The following UGCG variants were observed in gnomAD, a reference collection of about 807,000 sequenced individuals.
The protein encoded by UGCG is UDP-glucose ceramide glucosyltransferase.
Under a neutral mutation model 49.5 loss-of-function variants are expected in UGCG, and 10 were observed. The ratio of observed to expected loss-of-function variants is 0.20; its 90% CI spans 0.12 to 0.34. The LOEUF (loss-of-function observed/expected upper bound fraction) is 0.34, where lower values mean the gene tolerates loss of function less well. Among genes scored for constraint, UGCG ranks in the 10% least tolerant of loss-of-function variants. The pLI, the probability that UGCG is intolerant of heterozygous loss-of-function variation, is 1.00. For synonymous variants in UGCG, 182 were observed against 158.2 expected, an observed-to-expected ratio of 1.15 and a Z score of -1.13; for missense variants, 312 against 483.7, an observed-to-expected ratio of 0.65 and a Z score of 3.33.
rs987354884 is a variant in UGCG at position 111,920,655 on chromosome 9, C to T, written c.241-2194C>T. On this transcript the variant is annotated intron_variant, in intron 2 of 8. Coordinates refer to ENST00000374279, the MANE Select transcript of UGCG (RefSeq NM_003358.3). ...CTGGGATTACAGGCTTGAGCCACCA[C>T]GCCTGGCCCACAAATTTTTTTATTG... 5.3e-5 allele frequency among the ~76,000 whole-genome samples: 8 copies of T among 152,108 alleles called. No individual in the cohort carries two copies. In the South Asian group the frequency reaches 8.3e-4, roughly 16 times the overall value.
intron 7 of UGCG, among the ~76,000 whole-genome samples, chr9:111,931,647 T>C (rs1044735234): frequency 1.3e-5 from 2 of 152,206 alleles, no homozygotes; most frequent in African/African-American, 4.8e-5. Flanking sequence ...TTATTATCTG[T>C]ATTCATCAGA....
At chr9:111,906,611 G>C (rs1303037762) in intron 1 of UGCG, among the ~76,000 whole-genome samples, 2 of 151,866 alleles carry the variant, frequency 1.3e-5, no homozygotes, top group Non-Finnish European at 2.9e-5. Context: ...TGTATTTTTA[G>C]TAGAGACGGG....
rs1838473523 is a variant in UGCG, at chr9:111,934,134, T to TG, written c.*1137_*1138insG. ...AACTAAGTCTACTGTGTGTGTTTTT[T>TG]TTTTTTGTTTTTTGTTTTTGTTTGT... On this transcript the variant is annotated 3_prime_UTR_variant, in exon 9 of 9. Coordinates refer to ENST00000374279, the MANE Select transcript of UGCG (RefSeq NM_003358.3). 6.6e-6 allele frequency: 1 copy of TG among 151,690 alleles called. No homozygotes were observed. Among genetic ancestry groups the TG allele is most frequent in the South Asian group, 2.1e-4 (1 of 4,800 alleles). 9.4% of individuals were successfully genotyped at this position (151,690 alleles called of 1,614,324 possible). A position where few individuals can be genotyped will look rare whatever the true frequency, so the allele number is the denominator to read the frequency against.
At chr9:111,909,856 G>A (rs554621877) in intron 1 of UGCG, among the ~76,000 whole-genome samples, 3 of 152,306 alleles carry the variant, frequency 2.0e-5, no homozygotes, top group Admixed American at 6.5e-5. Flanking sequence ...ACCCTAGGGG[G>A]TACACAACAA....
chr9:111,927,454 T>A (rs1166454022), intron 5 of UGCG, among the ~76,000 whole-genome samples: 1 of 151,884 alleles, frequency 6.6e-6, no homozygotes. Flanking sequence ...TTGTTTTTTT[T>A]GTTTTGTTTT....
intron 2 of UGCG, among the ~76,000 whole-genome samples, chr9:111,915,156 G>C (rs1357022002): frequency 6.6e-6 from 1 of 152,212 alleles, no homozygotes; most frequent in African/African-American, 2.4e-5. Context: ...CTTCTCCGGA[G>C]AAACTGGCTT....
intron 1 of UGCG, among the ~76,000 whole-genome samples, chr9:111,903,847 C>T (rs576542345): frequency 1.9e-4 from 29 of 152,248 alleles, no homozygotes; most frequent in South Asian, 4.1e-4. Flanking sequence ...CTGCCTGCCT[C>T]GGCCTCCACA....
In UGCG at chr9:111,922,896, T is replaced by A; in HGVS notation, c.288T>A (p.Asp96Glu). ...CVQDHDDPAIDVCKKLLGKYP... is the reference protein window; with the variant it reads ...CVQDHDDPAIEVCKKLLGKYP... Reference sequence around the variant, plus strand: ...AAGATCATGATGATCCAGCCATTGATGTATGTAAGAAGCTTCTTGGAAAAT... The same window carrying A: ...AAGATCATGATGATCCAGCCATTGAAGTATGTAAGAAGCTTCTTGGAAAAT... The change falls in exon 3 of 9, where the codon GAT (aspartate) becomes GAA (glutamate). Residue 96 changes from aspartate to glutamate, a missense_variant. Coordinates refer to ENST00000374279, the MANE Select transcript of UGCG (RefSeq NM_003358.3). 6.8e-6 allele frequency: 11 copies of A among 1,613,320 alleles called. No individual in the cohort carries two copies. The highest frequency in any genetic ancestry group is 9.3e-6 in the Non-Finnish European group (11 of 1,179,740).
At chr9:111,900,249 G>C (rs964602874) in intron 1 of UGCG, among the ~76,000 whole-genome samples, 1 of 151,928 alleles carries the variant, frequency 6.6e-6, no homozygotes, top group Non-Finnish European at 1.5e-5. Flanking sequence ...ACGTTGCTGC[G>C]TGATGAAGTG....
Position 111,933,044 on chromosome 9 carries a change from A to G in UGCG, c.*47A>G. On this transcript the variant is annotated 3_prime_UTR_variant, in exon 9 of 9. Transcript: ENST00000374279. ...TAAAGGAAAAAAGAGAAGTATTATA[A>G]ATTATGTTTATATAAATGCTTTTAA... 7.3e-7 allele frequency: 1 copy of G among 1,374,530 alleles called. No individual in the cohort carries two copies. Among genetic ancestry groups the G allele is most frequent in the Non-Finnish European group, 9.5e-7 (1 of 1,053,032 alleles). The allele number at this position is 1,374,530 out of a possible 1,614,324, so 85.1% of individuals were successfully genotyped here. A position where few individuals can be genotyped will look rare whatever the true frequency, so the allele number is the denominator to read the frequency against.
intron 1 of UGCG, among the ~76,000 whole-genome samples, chr9:111,910,820 A>C (rs1257869116): frequency 6.6e-6 from 1 of 152,092 alleles, no homozygotes; most frequent in Non-Finnish European, 1.5e-5. Context: ...ATCTCTGCTC[A>C]TTGCAGCCTC....
Position 111,934,986 on chromosome 9 carries a change from C to T in UGCG, c.*1989C>T, listed in dbSNP as rs915712962. The T allele has an allele frequency of 1.3e-5, 2 of 152,158 alleles. No individual in the cohort carries two copies. The highest frequency in any genetic ancestry group is 2.9e-5 in the Non-Finnish European group (2 of 68,030). 9.4% of individuals were successfully genotyped at this position (152,158 alleles called of 1,614,324 possible). ...GATGCCATCCTTTGCACTGCCGAAG[C>T]GTAATCTTGTGTATTACTTAGCTCT... is the stretch of plus-strand genomic sequence containing the variant. On this transcript the variant is annotated 3_prime_UTR_variant, in exon 9 of 9. Coordinates refer to ENST00000374279, the MANE Select transcript of UGCG (RefSeq NM_003358.3).
At chr9:111,922,283 T>C (rs1838241276) in intron 2 of UGCG, among the ~76,000 whole-genome samples, 1 of 152,246 alleles carries the variant, frequency 6.6e-6, no homozygotes, top group South Asian at 2.1e-4. Flanking sequence ...AATTCTGTTT[T>C]GTTTCAAAAA....
At chr9:111,897,810 A>C (rs1057261760) in intron 1 of UGCG, among the ~76,000 whole-genome samples, 2 of 151,646 alleles carry the variant, frequency 1.3e-5, no homozygotes, top group Non-Finnish European at 2.9e-5. Flanking sequence ...GCACCTGTCC[A>C]CCCTGAAAAA....
In UGCG at chr9:111,910,341, G is replaced by A. The variant is rs78728233; in HGVS notation, c.99-4264G>A. ...ACCTGCATGTTTTGGTAGTTTAATA[G>A]CACTTAAGGATCACACAGTGGGACC... On this transcript the variant is annotated intron_variant, in intron 1 of 8. Transcript: ENST00000374279. Among the ~76,000 whole-genome samples, 585 of 152,296 alleles carry A rather than the reference G, an allele frequency of 3.8e-3. 3 individuals carry two copies. Among genetic ancestry groups the A allele is most frequent in the African/African-American group, 0.013 (529 of 41,548 alleles).
chr9:111,897,215 G>T lies in UGCG; in HGVS notation c.-1G>T, dbSNP rs1196381728. On this transcript the variant is annotated 5_prime_UTR_variant, in exon 1 of 9. Transcript: ENST00000374279. ...GCCGGGCCGGTCCGGCGGGCCGGGG[G>T]ATGGCGCTGCTGGACCTGGCCTTGG... 8 of 1,545,858 alleles carry T rather than the reference G, an allele frequency of 5.2e-6. No individual in the cohort carries two copies. The highest frequency in any genetic ancestry group is 6.1e-6 in the Non-Finnish European group (7 of 1,146,854).
intron 1 of UGCG, among the ~76,000 whole-genome samples, chr9:111,911,033 C>T (rs137923531): frequency 5.3e-4 from 80 of 152,322 alleles, no homozygotes; most frequent in African/African-American, 1.9e-3. Context: ...AGGCATGAGC[C>T]ACTGTGCCTG....
intron 2 of UGCG, 51 bp from the exon 3 acceptor site, chr9:111,922,798 A>C: frequency 1.5e-6 from 2 of 1,357,016 alleles, no homozygotes; most frequent in Non-Finnish European, 1.0e-6. Context: ...CATGCTAGTA[A>C]GTGCTTATTT....
chr9:111,915,056 A>C (rs1007847024), intron 2 of UGCG: 5 of 218,824 alleles, frequency 2.3e-5, no homozygotes, highest in South Asian at 8.7e-5. Flanking sequence ...TAAGAGCTGG[A>C]TATGAACAAT....
Sources: gnomAD v4.1 joint callset for allele counts (sites outside exome capture counted in the v4.1 genomes callset) on GRCh38, gnomAD v4.1.1 for gene constraint, MANE v1.5 for transcripts, NCBI Gene and HGNC (gene_info 2026-07-23, HGNC 2026-07-21) for gene names.